SMURF2: variants seen among roughly 807,000 people sequenced by gnomAD.
SMURF2 encodes E3 ubiquitin-protein ligase SMURF2.
SMURF2 carries 48 observed loss-of-function variants against 109.6 expected under a neutral mutation model. The ratio of observed to expected loss-of-function variants is 0.44; its 90% confidence interval spans 0.35 to 0.56. SMURF2 has a LOEUF of 0.56. Among genes scored for constraint, SMURF2 ranks in the 20% least tolerant of loss-of-function variants. SMURF2 has a pLI of 0.01. For missense variants in SMURF2, 575 were observed against 909.0 expected (o/e 0.63, Z 4.72); for synonymous variants, 288 against 317.1 (o/e 0.91, Z 0.97).
chr17:64,645,027 A>C (rs1427597529), intron 1 of SMURF2, among the ~76,000 whole-genome samples: 6 of 151,998 alleles, frequency 3.9e-5, no homozygotes, highest in South Asian at 4.1e-4. Context: ...AACAAAACAA[A>C]GTGCTGAGTA....
At chr17:64,639,932 T>C (rs1970472550) in intron 1 of SMURF2, among the ~76,000 whole-genome samples, 1 of 152,230 alleles carries the variant, frequency 6.6e-6, no homozygotes, top group Non-Finnish European at 1.5e-5. Context: ...GGAATAAATA[T>C]GGATTTTAGT....
rs1968938008 is a variant in SMURF2 at position 64,545,643 on chromosome 17, A to T, written c.*205T>A. The T allele has an allele frequency of 2.5e-6, 1 of 406,640 alleles. No homozygotes were observed. Among genetic ancestry groups the T allele is most frequent in the Non-Finnish European group, 4.4e-6 (1 of 226,990 alleles). The allele number at this position is 406,640 out of a possible 1,614,324, so 25.2% of individuals were successfully genotyped here. A position where few individuals can be genotyped will look rare whatever the true frequency, so the allele number is the denominator to read the frequency against. On this transcript the variant is annotated 3_prime_UTR_variant, in exon 19 of 19. Transcript: ENST00000262435. ...AGCAGCTGAATGTGGCCTCATGGCA[A>T]AGCATAAAGACCTTTTTTTTCCTTG...
intron 16 of SMURF2, among the ~76,000 whole-genome samples, chr17:64,550,757 CAAAAAAAAAA>C (rs146307567): frequency 1.4e-5 from 1 of 69,676 alleles, no homozygotes; most frequent in Non-Finnish European, 3.5e-5. Flanking sequence ...ACTCTGTCTC[CAAAAAAAAAA>C]AAAAAAAAAA....
chr17:64,562,476 T>G (rs1342914365), intron 11 of SMURF2, among the ~76,000 whole-genome samples: 1 of 149,450 alleles, frequency 6.7e-6, no homozygotes, highest in African/African-American at 2.5e-5. Context: ...GCCTCCTGGG[T>G]TCAAGTGATT....
intron 1 of SMURF2, among the ~76,000 whole-genome samples, chr17:64,654,819 A>C (rs547571285): frequency 6.6e-6 from 1 of 152,170 alleles, no homozygotes; most frequent in African/African-American, 2.4e-5. Flanking sequence ...ACAAGAGCAA[A>C]ACTCAGTATC....
intron 1 of SMURF2, among the ~76,000 whole-genome samples, chr17:64,620,123 T>G (rs1970182741): frequency 6.6e-6 from 1 of 152,192 alleles, no homozygotes; most frequent in South Asian, 2.1e-4. Context: ...TTTATCTCTC[T>G]TCCTCTCCCT....
chr17:64,588,330 G>A (rs1172709347), intron 5 of SMURF2, among the ~76,000 whole-genome samples: 1 of 151,836 alleles, frequency 6.6e-6, no homozygotes, highest in Non-Finnish European at 1.5e-5. Context: ...CTAAATTTGG[G>A]AGATTCTTTT....
chr17:64,661,178 C>T (rs909201306), intron 1 of SMURF2, among the ~76,000 whole-genome samples: 11 of 152,284 alleles, frequency 7.2e-5, no homozygotes, highest in Non-Finnish European at 1.5e-4. Context: ...ACCCTACAAT[C>T]AGACACTTCC....
chr17:64,580,034 G>A (rs1969557133), intron 8 of SMURF2, among the ~76,000 whole-genome samples: 1 of 152,192 alleles, frequency 6.6e-6, no homozygotes, highest in African/African-American at 2.4e-5. Flanking sequence ...ACTTAGATGT[G>A]GCAATTCCCA....
chr17:64,602,613 G>C (rs150948403), intron 2 of SMURF2, among the ~76,000 whole-genome samples: 12 of 152,244 alleles, frequency 7.9e-5, no homozygotes, highest in Non-Finnish European at 1.6e-4. Flanking sequence ...ACACAAAGTG[G>C]CTAGAGAACT....
intron 1 of SMURF2, among the ~76,000 whole-genome samples, chr17:64,646,278 C>T (rs1276889842): frequency 1.3e-5 from 2 of 151,632 alleles, no homozygotes; most frequent in Admixed American, 1.3e-4. Context: ...ATTGGCCAGG[C>T]TGGTATTGAA....
rs1970791822 is a variant in SMURF2, at chr17:64,662,129, C to G, written c.-249G>C. 9.6e-6 allele frequency: 10 copies of G among 1,038,426 alleles called. No individual in the cohort carries two copies. In the South Asian group the frequency reaches 3.5e-4, roughly 37 times the overall value. 64.3% of individuals were successfully genotyped at this position (1,038,426 alleles called of 1,614,324 possible). On this transcript the variant is annotated 5_prime_UTR_variant, in exon 1 of 19. Coordinates refer to ENST00000262435, the MANE Select transcript of SMURF2 (RefSeq NM_022739.4). ...ACAACAAAGCGGCAGCCGCGGCCGC[C>G]CGCGCCGCCTCCGCCCGCGCCCCCG...
chr17:64,580,661 T>G, intron 8 of SMURF2, 128 bp downstream of exon 8: 1 of 951,994 alleles, frequency 1.1e-6, no homozygotes, highest in Non-Finnish European at 1.6e-6. Flanking sequence ...AGTTGGGAGG[T>G]TTTATATTTA....
At chr17:64,599,879 C>T (rs1969870303) in intron 2 of SMURF2, among the ~76,000 whole-genome samples, 1 of 152,142 alleles carries the variant, frequency 6.6e-6, no homozygotes, top group African/African-American at 2.4e-5. Flanking sequence ...GAGGGTATGA[C>T]AATACAATAT....
intron 3 of SMURF2, among the ~76,000 whole-genome samples, chr17:64,595,708 G>C (rs1969806805): frequency 6.6e-6 from 1 of 151,984 alleles, no homozygotes. Flanking sequence ...AGATGCTTCT[G>C]ACAGCCAATT....
chr17:64,622,197 G>C (rs1970215756), intron 1 of SMURF2, among the ~76,000 whole-genome samples: 1 of 151,612 alleles, frequency 6.6e-6, no homozygotes, highest in Non-Finnish European at 1.5e-5. Context: ...ATTCATAAAT[G>C]TAATAAACTT....
At chr17:64,626,191 G>A (rs1022058514) in intron 1 of SMURF2, among the ~76,000 whole-genome samples, 2 of 151,136 alleles carry the variant, frequency 1.3e-5, no homozygotes, top group African/African-American at 4.9e-5. Flanking sequence ...CTTGGGAGGC[G>A]GAGGTTGTGG....
In SMURF2 at chr17:64,571,879, C is replaced by G; in HGVS notation, c.935G>C (p.Arg312Thr). 6.2e-7 allele frequency: 1 copy of G among 1,613,926 alleles called. No individual in the cohort carries two copies. Among genetic ancestry groups the G allele is most frequent in the Non-Finnish European group, 8.5e-7 (1 of 1,179,912 alleles). Residue 312 changes from arginine to threonine, a missense_variant, in exon 10 of 19, where the codon AGA (arginine) becomes ACA (threonine). Arg to Thr is a moderately conservative substitution (Grantham distance 71). Coordinates refer to ENST00000262435, the MANE Select transcript of SMURF2 (RefSeq NM_022739.4). ...GTTGTTATGGTCAACGAAATAAACT[C>G]TGCCTGTTGCCGTATTACGGATCTC... ...GWEIRNTATGRVYFVDHNNRT... is the reference protein window; with the variant it reads ...GWEIRNTATGTVYFVDHNNRT...
chr17:64,624,064 T>C (rs1555690915), intron 1 of SMURF2, among the ~76,000 whole-genome samples: 1 of 152,228 alleles, frequency 6.6e-6, no homozygotes, highest in Non-Finnish European at 1.5e-5. Context: ...TAATTTGTGA[T>C]GGCTTGTTTT....
Sources: allele counts gnomAD v4.1 joint callset (sites outside exome capture counted in the v4.1 genomes callset), GRCh38; gene constraint gnomAD v4.1.1; transcripts MANE v1.5; gene names NCBI Gene and HGNC (gene_info 2026-07-23, HGNC 2026-07-21).